CENPU: variants seen among roughly 807,000 people sequenced by gnomAD.
The protein encoded by CENPU is centromere protein U.
A neutral mutation model predicts 56.7 loss-of-function variants in CENPU; 46 were observed. The observed-to-expected ratio is 0.81, with a 90% CI of 0.64 to 1.04. CENPU has a LOEUF of 1.04. CENPU is among the 50% of genes least tolerant of loss of function. The pLI, the probability that CENPU is intolerant of heterozygous loss-of-function variation, is 0.00. For missense variants in CENPU, 510 were observed against 490.1 expected (o/e 1.04, Z -0.38); for synonymous variants, 166 against 163.0 (o/e 1.02, Z -0.14).
chr4:184,731,466 ACT>A lies in CENPU; in HGVS notation c.48-500_48-499del, dbSNP rs149679321. ...GGGCCTGCCCTCGACCTCCCTTGAC[ACT>A]CTCTCAGTTGGACCACAGCTTCAAA... On this transcript the variant is annotated intron_variant, in intron 1 of 12. Transcript: ENST00000281453. Among the ~76,000 whole-genome samples the A allele has an allele frequency of 7.2e-3, 1,100 of 152,206 alleles. 14 individuals carry two copies. Among genetic ancestry groups the A allele is most frequent in the African/African-American group, 0.025 (1,043 of 41,516 alleles).
At chr4:184,708,532 TC>T (rs1345118247) in intron 8 of CENPU, among the ~76,000 whole-genome samples, 7 of 147,222 alleles carry the variant, frequency 4.8e-5, no homozygotes, top group Non-Finnish European at 3.0e-5. Context: ...TTTAAGAATA[TC>T]AAAGAAAAAA....
intron 4 of CENPU, among the ~76,000 whole-genome samples, chr4:184,720,801 A>G (rs1579786360): frequency 6.6e-6 from 1 of 152,196 alleles, no homozygotes; most frequent in South Asian, 2.1e-4. Flanking sequence ...CCCTTCAAAC[A>G]TGAAAAAGAA....
At chr4:184,726,967 T>C (rs1453901148) in intron 3 of CENPU, among the ~76,000 whole-genome samples, 1 of 1,020 alleles carries the variant, frequency 9.8e-4, no homozygotes, top group Non-Finnish European at 1.9e-3. Flanking sequence ...GTGGTGGTCC[T>C]GGGGGGTGGG....
intron 3 of CENPU, among the ~76,000 whole-genome samples, chr4:184,726,098 T>C (rs1283585241): frequency 6.6e-6 from 1 of 152,066 alleles, no homozygotes; most frequent in Non-Finnish European, 1.5e-5. Flanking sequence ...ATAATGAACA[T>C]ATCAACTGCA....
intron 8 of CENPU, among the ~76,000 whole-genome samples, chr4:184,703,639 T>C (rs1053928532): frequency 2.6e-5 from 4 of 152,252 alleles, no homozygotes; most frequent in African/African-American, 9.6e-5. Context: ...AATTACCACA[T>C]GATCCAGCAA....
At chr4:184,706,291 C>T (rs1385664367) in intron 8 of CENPU, among the ~76,000 whole-genome samples, 1 of 152,140 alleles carries the variant, frequency 6.6e-6, no homozygotes, top group African/African-American at 2.4e-5. Flanking sequence ...GTCCCCTAAA[C>T]CCAGGAGTTG....
At chr4:184,707,810 C>A (rs563204077) in intron 8 of CENPU, among the ~76,000 whole-genome samples, 6 of 152,288 alleles carry the variant, frequency 3.9e-5, no homozygotes, top group African/African-American at 1.4e-4. Context: ...CATATTATAT[C>A]CGAAACCTTA....
intron 3 of CENPU, among the ~76,000 whole-genome samples, chr4:184,727,999 G>A (rs576385141): frequency 2.3e-4 from 35 of 152,306 alleles, no homozygotes; most frequent in African/African-American, 8.4e-4. Flanking sequence ...GGAAGAGGGA[G>A]TGACCACTCA....
At chr4:184,724,148 C>T (rs12502876) in intron 4 of CENPU, among the ~76,000 whole-genome samples, 26,915 of 151,910 alleles carry the variant, frequency 0.18, 3,544 homozygotes, top group East Asian at 0.7. Flanking sequence ...CGCCTGTAGT[C>T]CCAGCCACTC....
At position 184,697,690 on chromosome 4, in the gene CENPU, T is replaced by C. The variant is rs1308265489; in HGVS notation, c.1100A>G (p.Asp367Gly). 1 of 1,613,036 alleles carries C rather than the reference T, an allele frequency of 6.2e-7. No individual in the cohort carries two copies. Among genetic ancestry groups the C allele is most frequent in the African/African-American group, 1.3e-5 (1 of 74,874 alleles). ...FLSNLKQLYQ[D>G]YSDVQAQEPN... ...TTCTTGAGCTTGAACATCTGAATAA[T>C]CTTGATAAAGCTGTTTTAAATTAGA... The change falls in exon 12 of 13, where the codon GAT (aspartate) becomes GGT (glycine). Residue 367 changes from aspartate (D) to glycine (G), a missense_variant. Asp to Gly is a moderately conservative substitution (Grantham distance 94). Transcript: ENST00000281453.
At chr4:184,710,847 T>C (rs1270196548) in intron 7 of CENPU, among the ~76,000 whole-genome samples, 1 of 151,986 alleles carries the variant, frequency 6.6e-6, no homozygotes, top group Non-Finnish European at 1.5e-5. Flanking sequence ...CATACCCTAA[T>C]TTTTTTTCTT....
chr4:184,721,057 CTT>C (rs1761257524), intron 4 of CENPU, among the ~76,000 whole-genome samples: 1 of 152,084 alleles, frequency 6.6e-6, no homozygotes, highest in African/African-American at 2.4e-5. Context: ...AAAATAATAA[CTT>C]TTCAAAACAT....
Position 184,695,036 on chromosome 4 carries a change from G to A in CENPU, c.*252C>T. ...CAAGTTTATTATAGCTCATACCTGG[G>A]ACCGATTAAGGTGTCAACATTTTAA... On this transcript the variant is annotated 3_prime_UTR_variant, in exon 13 of 13. Transcript: ENST00000281453. 1.9e-6 allele frequency: 1 copy of A among 532,648 alleles called. No homozygotes were observed. Among genetic ancestry groups the A allele is most frequent in the East Asian group, 3.1e-5 (1 of 32,722 alleles). 33.0% of individuals were successfully genotyped at this position (532,648 alleles called of 1,614,324 possible).
At chr4:184,700,683 G>T in intron 11 of CENPU, 137 bp downstream of exon 11, 4 of 770,150 alleles carry the variant, frequency 5.2e-6, no homozygotes, top group South Asian at 4.4e-5. Flanking sequence ...AGCATACCCT[G>T]CCTTCACTGA....
At chr4:184,715,063 T>A (rs10428357) in intron 6 of CENPU, among the ~76,000 whole-genome samples, 54,400 of 151,884 alleles carry the variant, frequency 0.36, 10,253 homozygotes, top group East Asian at 0.71. Flanking sequence ...AAATAAAAAT[T>A]AAAAAAATTC....
intron 9 of CENPU, 38 bp from the exon 10 acceptor site, chr4:184,702,174 C>CA (rs1760556712): frequency 6.7e-7 from 1 of 1,500,056 alleles, no homozygotes; most frequent in South Asian, 1.1e-5. Flanking sequence ...CATCAGTTTC[C>CA]AAAAGTAAAT....
In CENPU at chr4:184,701,981, T is replaced by G. The variant is rs554891864; in HGVS notation, c.924+108A>C. On this transcript the variant is annotated intron_variant, in intron 10 of 12. Coordinates refer to ENST00000281453, the MANE Select transcript of CENPU (RefSeq NM_024629.4). ...ACCAAATAAAAGCCTGACAAGATTATGAAATCTACTCACACTCTAAAGGCT... is the reference window on the plus strand; with the variant it reads ...ACCAAATAAAAGCCTGACAAGATTAGGAAATCTACTCACACTCTAAAGGCT... 248 of 716,092 alleles carry G rather than the reference T, an allele frequency of 3.5e-4. No individual in the cohort carries two copies. The African/African-American group carries it at 3.8e-3, about 11-fold the overall frequency. The allele number at this position is 716,092 out of a possible 1,614,324, so 44.4% of individuals were successfully genotyped here.
Position 184,712,379 on chromosome 4 carries a change from G to A in CENPU, c.688+565C>T, listed in dbSNP as rs570300480. On this transcript the variant is annotated intron_variant, in intron 7 of 12. Coordinates refer to ENST00000281453, the MANE Select transcript of CENPU (RefSeq NM_024629.4). ...CCCAGAACAGGCAAAACTAATCCAT[G>A]GGCAGAAAAAGCATCCCTGAAGCCA... Among the ~76,000 whole-genome samples, 38 of 152,256 alleles carry A rather than the reference G, an allele frequency of 2.5e-4. No homozygotes were observed. The East Asian group carries it at 6.0e-3, about 24-fold the overall frequency.
intron 10 of CENPU, 118 bp from the exon 11 acceptor site, chr4:184,700,999 A>G: frequency 1.3e-6 from 1 of 780,368 alleles, no homozygotes; most frequent in East Asian, 2.6e-5. Flanking sequence ...TTACCATCAC[A>G]GACTTTGGTC....
Sources: gnomAD v4.1 joint callset for allele counts (sites outside exome capture counted in the v4.1 genomes callset) on GRCh38, gnomAD v4.1.1 for gene constraint, MANE v1.5 for transcripts, NCBI Gene and HGNC (gene_info 2026-07-23, HGNC 2026-07-21) for gene names.